IKZF1: variants seen among roughly 807,000 people sequenced by gnomAD.
The protein encoded by IKZF1 is DNA-binding protein Ikaros.
In IKZF1, 10 loss-of-function variants were observed where a neutral mutation model predicts 51.7. The observed-to-expected ratio is 0.19, with a 90% CI of 0.12 to 0.33. IKZF1 has a LOEUF of 0.33. Among genes scored for constraint, IKZF1 ranks in the 10% least tolerant of loss-of-function variants. IKZF1 has a pLI of 1.00. For missense variants in IKZF1, 484 were observed against 707.5 expected, an observed-to-expected ratio of 0.68 and a Z score of 3.58; for synonymous variants, 280 against 282.3, an observed-to-expected ratio of 0.99 and a Z score of 0.08.
rs574025720 is a variant in IKZF1 at position 50,308,107 on chromosome 7, T to C, written c.-15+3185T>C. 3.9e-5 allele frequency among the ~76,000 whole-genome samples: 6 copies of C among 152,354 alleles called. No individual in the cohort carries two copies. The South Asian group carries it at 1.2e-3, about 32-fold the overall frequency. The stretch of plus-strand genomic sequence containing the variant: ...GTTTGAGTTTTTAAATGTTTGGTAA[T>C]ATTCCAACAAATATTTTTTAAGACA... On this transcript the variant is annotated intron_variant, in intron 1 of 7. Coordinates refer to ENST00000331340, the MANE Select transcript of IKZF1 (RefSeq NM_006060.6).
chr7:50,334,426 GTGTT>G (rs1797108318), intron 3 of IKZF1, among the ~76,000 whole-genome samples: 3 of 151,990 alleles, frequency 2.0e-5, no homozygotes, highest in South Asian at 4.1e-4. Flanking sequence ...TGGCATGTGT[GTGTT>G]TGTATCTATG....
At chr7:50,334,491 TTGTGTGTGCATGTA>T in intron 3 of IKZF1, among the ~76,000 whole-genome samples, 1 of 151,966 alleles carries the variant, frequency 6.6e-6, no homozygotes, top group East Asian at 1.9e-4. Context: ...TGTCATATGT[TTGTGTGTGCATGTA>T]TGTGTGTGGT....
intron 3 of IKZF1, among the ~76,000 whole-genome samples, chr7:50,358,340 T>C (rs1804134520): frequency 6.6e-6 from 1 of 152,236 alleles, no homozygotes; most frequent in Non-Finnish European, 1.5e-5. Context: ...TCCTAAGAGA[T>C]GTGAGGTTTT....
chr7:50,352,410 G>C (rs1221118233), intron 3 of IKZF1, among the ~76,000 whole-genome samples: 1 of 152,200 alleles, frequency 6.6e-6, no homozygotes, highest in East Asian at 1.9e-4. Flanking sequence ...TGCCGAGAGA[G>C]TGTATGAGGG....
intron 4 of IKZF1, among the ~76,000 whole-genome samples, chr7:50,381,167 TA>T (rs1412277145): frequency 6.6e-6 from 1 of 152,262 alleles, no homozygotes; most frequent in African/African-American, 2.4e-5. Flanking sequence ...TATAGACTTT[TA>T]AATCTGGTGT....
At chr7:50,350,134 C>T (rs1359222543) in intron 3 of IKZF1, among the ~76,000 whole-genome samples, 2 of 152,244 alleles carry the variant, frequency 1.3e-5, no homozygotes, top group African/African-American at 4.8e-5. Flanking sequence ...CCATGGCCAC[C>T]ACCGTCCGCT....
chr7:50,316,649 G>A (rs1791629828), intron 1 of IKZF1, among the ~76,000 whole-genome samples: 1 of 152,210 alleles, frequency 6.6e-6, no homozygotes, highest in Admixed American at 6.5e-5. Context: ...GCTTGATTTG[G>A]GGACCAGCCG....
chr7:50,368,142 C>A, intron 3 of IKZF1: 1 of 703,394 alleles, frequency 1.4e-6, no homozygotes, highest in Non-Finnish European at 2.6e-6. Context: ...CGTGCATGTT[C>A]CTTCATCAAC....
chr7:50,389,279 A>G (rs1814329912), intron 6 of IKZF1, among the ~76,000 whole-genome samples: 1 of 152,262 alleles, frequency 6.6e-6, no homozygotes, highest in Admixed American at 6.5e-5. Flanking sequence ...TGTGTCAGGT[A>G]CTTACCTAAA....
chr7:50,317,538 G>A (rs1055210955), intron 1 of IKZF1, among the ~76,000 whole-genome samples: 1 of 152,068 alleles, frequency 6.6e-6, no homozygotes, highest in Non-Finnish European at 1.5e-5. Context: ...TCTGGCTTCC[G>A]TGTGCTGGTG....
rs1469149767 is a variant in IKZF1 at position 50,311,848 on chromosome 7, T to A, written c.-15+6926T>A. ...TTGCTGAGGGAAAAACTTACTGTTATAAGTTTGTGTTTATCTCTCTTTTTA... is the reference window on the plus strand; with the variant it reads ...TTGCTGAGGGAAAAACTTACTGTTAAAAGTTTGTGTTTATCTCTCTTTTTA... On this transcript the variant is annotated intron_variant, in intron 1 of 7. Coordinates refer to ENST00000331340, the MANE Select transcript of IKZF1 (RefSeq NM_006060.6). Among the ~76,000 whole-genome samples, 3 of 152,200 alleles carry A rather than the reference T, an allele frequency of 2.0e-5. No homozygotes were observed. In the East Asian group the frequency reaches 5.8e-4, roughly 29 times the overall value.
chr7:50,318,651 G>A (rs1792256862), intron 1 of IKZF1: 2 of 220,368 alleles, frequency 9.1e-6, no homozygotes, highest in Non-Finnish European at 1.8e-5. Flanking sequence ...AAGGTTCATC[G>A]ATGCATGCTC....
intron 7 of IKZF1, chr7:50,393,826 G>A (rs1815921334): frequency 4.3e-6 from 1 of 233,068 alleles, no homozygotes; most frequent in Non-Finnish European, 8.5e-6. Context: ...CTGGGGTATG[G>A]GCAGAGATAA....
At chr7:50,356,111 C>G (rs1803296258) in intron 3 of IKZF1, among the ~76,000 whole-genome samples, 1 of 152,174 alleles carries the variant, frequency 6.6e-6, no homozygotes, top group African/African-American at 2.4e-5. Context: ...TGTGGGGGTC[C>G]CTAAACGCAT....
chr7:50,389,053 C>G (rs1418530100), intron 6 of IKZF1, among the ~76,000 whole-genome samples: 1 of 152,176 alleles, frequency 6.6e-6, no homozygotes, highest in Non-Finnish European at 1.5e-5. Flanking sequence ...ACTAAAGAAA[C>G]AAGCTGCAGT....
chr7:50,384,161 G>A (rs1039203417), intron 5 of IKZF1, among the ~76,000 whole-genome samples: 2 of 152,216 alleles, frequency 1.3e-5, no homozygotes, highest in African/African-American at 2.4e-5. Context: ...TTGCTTTAGA[G>A]ACATTCTAAA....
intron 3 of IKZF1, among the ~76,000 whole-genome samples, chr7:50,356,166 C>T (rs951586964): frequency 6.6e-6 from 1 of 152,246 alleles, no homozygotes; most frequent in Non-Finnish European, 1.5e-5. Flanking sequence ...GTCCACTTTG[C>T]GTCTCAGCCC....
At chr7:50,383,199 C>G (rs567299248) in intron 5 of IKZF1, among the ~76,000 whole-genome samples, 1 of 152,162 alleles carries the variant, frequency 6.6e-6, no homozygotes, top group Non-Finnish European at 1.5e-5. Context: ...GACTGAGCCC[C>G]GTGTGGCTCT....
intron 3 of IKZF1, among the ~76,000 whole-genome samples, chr7:50,367,274 T>C (rs1490029456): frequency 6.6e-6 from 1 of 152,200 alleles, no homozygotes; most frequent in East Asian, 1.9e-4. Flanking sequence ...GTACGTCACT[T>C]TAACAGTCAC....
Sources: allele counts gnomAD v4.1 joint callset (sites outside exome capture counted in the v4.1 genomes callset), GRCh38; gene constraint gnomAD v4.1.1; transcripts MANE v1.5; gene names NCBI Gene and HGNC (gene_info 2026-07-23, HGNC 2026-07-21).